Variants in TAS1R2 observed in about 807,000 individuals in gnomAD.
TAS1R2 encodes the protein taste receptor type 1 member 2.
TAS1R2 carries 47 observed loss-of-function variants against 49.3 expected under a neutral mutation model. The observed-to-expected ratio is 0.95, with a 90% CI of 0.75 to 1.22. The LOEUF is 1.22. TAS1R2 is among the 50% of genes most tolerant of loss of function. The pLI, the probability that TAS1R2 is intolerant of heterozygous loss-of-function variation, is 0.00. For synonymous variants in TAS1R2, 479 were observed against 467.9 expected (o/e 1.02, Z -0.31); for missense variants, 1,155 against 1,122.1 (o/e 1.03, Z -0.42).
chr1:18,840,514 G>GC lies in TAS1R2; in HGVS notation c.1604dup (p.Cys535TrpfsTer7). The GC allele has an allele frequency of 6.2e-7, 1 of 1,614,176 alleles. No individual in the cohort carries two copies. Among genetic ancestry groups the GC allele is most frequent in the African/African-American group, 1.3e-5 (1 of 75,034 alleles). Reference sequence around the variant, plus strand: ...ACCACTCGTTATTCGGGCAGGCCTGGCATTCATATTCATCTGCAAAAGCCA... The same window carrying GC: ...ACCACTCGTTATTCGGGCAGGCCTGGCCATTCATATTCATCTGCAAAAGCCA... On this transcript the variant is annotated frameshift_variant, in exon 6 of 6. Coordinates refer to ENST00000375371, the Ensembl canonical transcript of TAS1R2. LOFTEE classifies it low-confidence loss of function (END_TRUNC).
chr1:18,843,330 G>C (rs951751430), intron 4 of TAS1R2, among the ~76,000 whole-genome samples: 6 of 152,172 alleles, frequency 3.9e-5, no homozygotes, highest in Admixed American at 3.3e-4. Context: ...TCAAAACTTG[G>C]GGTTGGGGGT....
At chr1:18,851,809 C>T (rs2100517840) in intron 3 of TAS1R2, among the ~76,000 whole-genome samples, 1 of 152,278 alleles carries the variant, frequency 6.6e-6, no homozygotes, top group South Asian at 2.1e-4. Context: ...ATGGGGTGCC[C>T]ATCCCCACTA....
Position 18,841,709 on chromosome 1 carries a change from G to T in TAS1R2, c.1591+20C>A. The T allele has an allele frequency of 6.2e-7, 1 of 1,610,408 alleles. No individual in the cohort carries two copies. The highest frequency in any genetic ancestry group is 8.5e-7 in the Non-Finnish European group (1 of 1,177,358). ...GGCAGGGCAGGGGCAGGGCAGGAGT[G>T]CTAGGCCTGTGAATCATACCTTCAG... is the stretch of plus-strand genomic sequence containing the variant. On this transcript the variant is annotated intron_variant, in intron 5 of 5. Transcript: ENST00000375371.
At chr1:18,857,284 C>A (rs774392994) in intron 2 of TAS1R2, 47 bp downstream of exon 2, 3 of 1,581,008 alleles carry the variant, frequency 1.9e-6, no homozygotes, top group East Asian at 2.3e-5. Flanking sequence ...GACAGCCATT[C>A]CTCTGCCCCC....
chr1:18,859,429 C>T (rs1213674709), intron 1 of TAS1R2, 50 bp downstream of exon 1: 6 of 1,607,072 alleles, frequency 3.7e-6, no homozygotes, highest in African/African-American at 1.3e-5. Context: ...CCAGGCCTGG[C>T]CTCCCACCCC....
At chr1:18,841,684 G>A (rs548142444) in intron 5 of TAS1R2, 45 bp downstream of exon 5, 3 of 1,589,748 alleles carry the variant, frequency 1.9e-6, no homozygotes, top group East Asian at 2.3e-5. Context: ...GCAGGGCAGG[G>A]GCAGGGCAGG....
At chr1:18,853,149 C>T (rs1385211110) in intron 3 of TAS1R2, among the ~76,000 whole-genome samples, 12 of 152,192 alleles carry the variant, frequency 7.9e-5, no homozygotes, top group South Asian at 2.1e-4. Context: ...TGAGCGATCA[C>T]GGGCTAGTCA....
intron 5 of TAS1R2, among the ~76,000 whole-genome samples, chr1:18,840,902 G>A (rs1427178285): frequency 2.0e-5 from 3 of 152,176 alleles, no homozygotes; most frequent in Non-Finnish European, 4.4e-5. Context: ...TTCAATACAC[G>A]TGTTTTTGAG....
intron 2 of TAS1R2, among the ~76,000 whole-genome samples, chr1:18,857,101 T>C (rs1038283416): frequency 6.6e-6 from 1 of 152,240 alleles, no homozygotes; most frequent in African/African-American, 2.4e-5. Context: ...GGCTTCACTG[T>C]GGCCAAGGCT....
At chr1:18,856,654 C>T (rs890404150) in intron 2 of TAS1R2, among the ~76,000 whole-genome samples, 1 of 152,186 alleles carries the variant, frequency 6.6e-6, no homozygotes, top group African/African-American at 2.4e-5. Flanking sequence ...TGAATTCAGT[C>T]CTCAGCTAGA....
intron 2 of TAS1R2, 139 bp from the exon 3 acceptor site, chr1:18,855,125 A>G (rs1934116471): frequency 1.3e-5 from 14 of 1,039,322 alleles, no homozygotes; most frequent in East Asian, 2.6e-5. Context: ...ACCATCGTCA[A>G]TCATCATGGT....
intron 4 of TAS1R2, 130 bp from the exon 5 acceptor site, chr1:18,841,982 T>TATA: frequency 2.7e-4 from 141 of 520,630 alleles, no homozygotes; most frequent in East Asian, 6.2e-4. Flanking sequence ...GTGGAAACTG[T>TATA]AGAAAAAAAA....
exon 1 of TAS1R2, chr1:18,859,586 C>T (rs748853254): frequency 6.2e-6 from 10 of 1,614,062 alleles, no homozygotes; most frequent in East Asian, 2.2e-5. Context: ...GGTAGAAGTC[C>T]GAGTTCTCAG....
intron 4 of TAS1R2, among the ~76,000 whole-genome samples, 153 bp from the exon 5 acceptor site, chr1:18,842,005 A>C (rs1304182507): frequency 6.6e-6 from 1 of 151,172 alleles, no homozygotes; most frequent in East Asian, 1.9e-4. Flanking sequence ...AAAAACTCTC[A>C]TGCTTCTAGC....
intron 5 of TAS1R2, among the ~76,000 whole-genome samples, chr1:18,841,490 G>T (rs1933822726): frequency 1.3e-5 from 2 of 152,196 alleles, no homozygotes; most frequent in Non-Finnish European, 2.9e-5. Flanking sequence ...CAGCGTGGGG[G>T]AGTGTCGTCC....
Position 18,855,054 on chromosome 1 carries a change from T to C in TAS1R2, c.484-68A>G. The C allele has an allele frequency of 5.2e-6, 8 of 1,547,074 alleles. No individual in the cohort carries two copies. In the South Asian group the frequency reaches 9.8e-5, roughly 19 times the overall value. On this transcript the variant is annotated intron_variant, in intron 2 of 5. Transcript: ENST00000375371. ...GTGCTCTGCCCCCACCCCAGGGCTC[T>C]ATCCACCATCATCATCTGGGAAGCA...
chr1:18,854,579 C>T lies in TAS1R2; in HGVS notation c.891G>A (p.Val297=). The T allele has an allele frequency of 6.2e-7, 1 of 1,613,962 alleles. No homozygotes were observed. Among genetic ancestry groups the T allele is most frequent in the Non-Finnish European group, 8.5e-7 (1 of 1,179,912 alleles). ...TGGCCCAGGACTCGGAGGCGATCCA[C>T]ACGGCGCCAGTGAAGTTCTGGCGCA... is the stretch of plus-strand genomic sequence containing the variant. Residue 297 remains valine (V), a synonymous_variant, in exon 3 of 6, where the codon GTG becomes GTA. Coordinates refer to ENST00000375371, the Ensembl canonical transcript of TAS1R2. The surrounding 1 kb of genome is among the most constrained non-coding windows in gnomAD (Gnocchi z 4.9).
intron 2 of TAS1R2, among the ~76,000 whole-genome samples, chr1:18,856,464 C>G (rs956759990): frequency 6.6e-6 from 1 of 152,192 alleles, no homozygotes; most frequent in African/African-American, 2.4e-5. Flanking sequence ...TTGCACTTCT[C>G]ACCTCTAACA....
intron 4 of TAS1R2, among the ~76,000 whole-genome samples, chr1:18,847,939 T>A (rs1933952329): frequency 1.3e-5 from 2 of 152,186 alleles, no homozygotes; most frequent in African/African-American, 4.8e-5. Flanking sequence ...CGGAGAGAGC[T>A]TGTGCAGGGA....
Sources: gnomAD v4.1 joint callset for allele counts (sites outside exome capture counted in the v4.1 genomes callset) on GRCh38, gnomAD v4.1.1 for gene constraint, Gnocchi (gnomAD v3.1) non-coding constraint, MANE v1.5 for transcripts, NCBI Gene and HGNC (gene_info 2026-07-23, HGNC 2026-07-21) for gene names.